SRL: variants seen among roughly 807,000 people sequenced by gnomAD.
The protein encoded by SRL is sarcalumenin.
SRL carries 23 observed loss-of-function variants against 39.5 expected under a neutral mutation model. That is an observed-to-expected ratio of 0.58 (90% confidence interval 0.42 to 0.82). The LOEUF (loss-of-function observed/expected upper bound fraction) is 0.82. Among genes scored for constraint, SRL ranks in the 40% least tolerant of loss-of-function variants. The pLI, the probability that SRL is intolerant of heterozygous loss-of-function variation, is 0.00. For missense variants in SRL, 592 were observed against 607.8 expected, an observed-to-expected ratio of 0.97 and a Z score of 0.27; for synonymous variants, 272 against 237.4, an observed-to-expected ratio of 1.15 and a Z score of -1.34.
chr16:4,221,933 T>C (rs993799409), intron 1 of SRL, among the ~76,000 whole-genome samples: 5 of 152,200 alleles, frequency 3.3e-5, no homozygotes, highest in African/African-American at 9.7e-5. Context: ...TAAGGACACC[T>C]TCATATTGGA....
At chr16:4,207,323 C>G in intron 1 of SRL, 1 of 456,828 alleles carries the variant, frequency 2.2e-6, no homozygotes, top group South Asian at 1.5e-5. Flanking sequence ...TTTGGGCGCC[C>G]CCAGGCTCTG....
At chr16:4,198,808 A>G (rs1334028915) in intron 3 of SRL, among the ~76,000 whole-genome samples, 2 of 152,202 alleles carry the variant, frequency 1.3e-5, no homozygotes, top group African/African-American at 2.4e-5. Flanking sequence ...CCAGTGCCCA[A>G]AACCAAACAA....
chr16:4,192,171 A>AT lies in SRL; in HGVS notation c.1403dup (p.Asn468LysfsTer24). On this transcript the variant is annotated frameshift_variant, in exon 6 of 6. Coordinates refer to ENST00000399609, the MANE Select transcript of SRL (RefSeq NM_001098814.2). LOFTEE classifies it high-confidence loss of function. The surrounding 1 kb of genome is among the most constrained non-coding windows in gnomAD (Gnocchi z 4.0). Reference sequence around the variant, plus strand: ...CCACCACCTAGTGCTTCCTGTAGCGATTTTTTGGTGTTTCGCTACACCCTG... The same window carrying AT: ...CCACCACCTAGTGCTTCCTGTAGCGATTTTTTTGGTGTTTCGCTACACCCTG... 1 of 1,554,094 alleles carries AT rather than the reference A, an allele frequency of 6.4e-7. No individual in the cohort carries two copies. Among genetic ancestry groups the AT allele is most frequent in the Non-Finnish European group, 8.7e-7 (1 of 1,153,904 alleles).
In SRL at chr16:4,192,423, G is replaced by T; in HGVS notation, c.1152C>A (p.Ile384=). The T allele has an allele frequency of 6.2e-7, 1 of 1,614,230 alleles. No homozygotes were observed. Among genetic ancestry groups the T allele is most frequent in the Non-Finnish European group, 8.5e-7 (1 of 1,180,046 alleles). The part of the protein sequence containing the change: ...DPDKFYIFKT[I]LAKTNVSKFD... ...ATTTGCTGACATTGGTCTTTGCCAG[G>T]ATGGTCTTGAAGATGTAGAATTTAT... Residue 384 remains isoleucine, a synonymous_variant, in exon 6 of 6, where the codon ATC becomes ATA. Transcript: ENST00000399609. The surrounding 1 kb of genome is among the most constrained non-coding windows in gnomAD (Gnocchi z 4.0).
chr16:4,216,035 C>CA (rs555368988), intron 1 of SRL, among the ~76,000 whole-genome samples: 6,618 of 141,846 alleles, frequency 0.047, 188 homozygotes, highest in Middle Eastern at 0.076. Context: ...GACCCTGTCT[C>CA]AAAAAAAAAA....
At chr16:4,203,094 G>T in intron 3 of SRL, 72 bp downstream of exon 3, 1 of 1,346,324 alleles carries the variant, frequency 7.4e-7, no homozygotes, top group Non-Finnish European at 1.1e-6. Context: ...AGGCCGGTCA[G>T]CAGTGTGGCC....
Position 4,191,587 on chromosome 16 carries a change from G to A in SRL, c.*566C>T, listed in dbSNP as rs111592698. 0.043 allele frequency: 6,603 copies of A among 153,048 alleles called. 209 individuals carry two copies. Among genetic ancestry groups the A allele is most frequent in the Non-Finnish European group, 0.06 (4,125 of 68,616 alleles). 9.5% of individuals were successfully genotyped at this position (153,048 alleles called of 1,614,324 possible). ...GATTGCACCACTGCACTCCAACCTG[G>A]CCGACAGAGCGAGACTCCGTCTCAA... On this transcript the variant is annotated 3_prime_UTR_variant, in exon 6 of 6. Transcript: ENST00000399609.
At position 4,192,121 on chromosome 16, in the gene SRL, C is replaced by G. The variant is rs773969685; in HGVS notation, c.*32G>C. 6.6e-7 allele frequency: 1 copy of G among 1,525,326 alleles called. No homozygotes were observed. Among genetic ancestry groups the G allele is most frequent in the Non-Finnish European group, 8.8e-7 (1 of 1,139,890 alleles). 94.5% of individuals were successfully genotyped at this position (1,525,326 alleles called of 1,614,324 possible). On this transcript the variant is annotated 3_prime_UTR_variant, in exon 6 of 6. Coordinates refer to ENST00000399609, the MANE Select transcript of SRL (RefSeq NM_001098814.2). The surrounding 1 kb of genome is among the most constrained non-coding windows in gnomAD (Gnocchi z 4.0). ...CAGACAGTTAGGACACAAGCTGATT[C>G]ACCAACAGGAACCCAAGGACCGCTC...
intron 1 of SRL, among the ~76,000 whole-genome samples, chr16:4,215,187 G>C (rs754267058): frequency 1.3e-5 from 2 of 152,198 alleles, no homozygotes; most frequent in Non-Finnish European, 2.9e-5. Flanking sequence ...GGACCCCTGA[G>C]GTCCTCTTCT....
At chr16:4,237,694 G>A (rs1400913340) in intron 1 of SRL, among the ~76,000 whole-genome samples, 1 of 151,944 alleles carries the variant, frequency 6.6e-6, no homozygotes, top group African/African-American at 2.4e-5. Flanking sequence ...CCCTTCCCTG[G>A]GTCTCACCAG....
Position 4,236,498 on chromosome 16 carries a change from CCT to C in SRL, c.61+5507_61+5508del, listed in dbSNP as rs1178075881. Among the ~76,000 whole-genome samples, 8 of 152,256 alleles carry C rather than the reference CCT, an allele frequency of 5.3e-5. No homozygotes were observed. In the South Asian group the frequency reaches 1.7e-3, roughly 32 times the overall value. ...CTCCCTGGTACAGCTCCATGGGTGA[CCT>C]CAGAGCCTCCCTCTCATCTTTACGT... is the stretch of plus-strand genomic sequence containing the variant. On this transcript the variant is annotated intron_variant, in intron 1 of 5. Transcript: ENST00000399609.
intron 1 of SRL, among the ~76,000 whole-genome samples, chr16:4,226,054 C>T (rs969897109): frequency 2.0e-5 from 3 of 152,106 alleles, no homozygotes; most frequent in Admixed American, 6.6e-5. Context: ...CTGTCTGACT[C>T]ACTCCTTCCT....
At chr16:4,241,017 G>A (rs774466490) in intron 1 of SRL, among the ~76,000 whole-genome samples, 3 of 152,154 alleles carry the variant, frequency 2.0e-5, no homozygotes, top group Non-Finnish European at 2.9e-5. Flanking sequence ...TCCCTGCAGG[G>A]ACTGTGCCCC....
intron 1 of SRL, chr16:4,207,173 G>A (rs747595503): frequency 4.1e-4 from 187 of 456,746 alleles, no homozygotes; most frequent in Non-Finnish European, 6.3e-4. Flanking sequence ...TGTCCTCTTC[G>A]GACTCCTCTT....
At chr16:4,235,302 C>T (rs1271065672) in intron 1 of SRL, among the ~76,000 whole-genome samples, 1 of 152,182 alleles carries the variant, frequency 6.6e-6, no homozygotes, top group Non-Finnish European at 1.5e-5. Context: ...AAAGTGAGTC[C>T]CACCAATGGG....
chr16:4,228,734 C>A lies in SRL; in HGVS notation c.61+13273G>T, dbSNP rs563621603. Among the ~76,000 whole-genome samples, 1,184 of 136,126 alleles carry A rather than the reference C, an allele frequency of 8.7e-3. 12 individuals are homozygous for A. Among genetic ancestry groups the A allele is most frequent in the African/African-American group, 0.03 (1,112 of 36,950 alleles). The allele number at this position is 136,126 out of a possible 152,430, so 89.3% of individuals were successfully genotyped here. ...TGGGTGACAGAGCAAGACTCCGTCTCAAAAAAAAAAGAAAAAAAGAAAGAA... is the reference window on the plus strand; with the variant it reads ...TGGGTGACAGAGCAAGACTCCGTCTAAAAAAAAAAAGAAAAAAAGAAAGAA... On this transcript the variant is annotated intron_variant, in intron 1 of 5. Transcript: ENST00000399609.
At chr16:4,237,707 C>T (rs1020977917) in intron 1 of SRL, among the ~76,000 whole-genome samples, 1 of 152,180 alleles carries the variant, frequency 6.6e-6, no homozygotes, top group African/African-American at 2.4e-5. Flanking sequence ...CTCACCAGAG[C>T]CCCGTTGCTC....
intron 1 of SRL, among the ~76,000 whole-genome samples, chr16:4,241,084 TC>T (rs1187397519): frequency 6.6e-6 from 1 of 151,908 alleles, no homozygotes; most frequent in East Asian, 1.9e-4. Context: ...GCCTCTCCAG[TC>T]CCAGGTACGG....
chr16:4,219,858 A>G (rs778930815), intron 1 of SRL, among the ~76,000 whole-genome samples: 6 of 152,032 alleles, frequency 3.9e-5, no homozygotes, highest in Non-Finnish European at 5.9e-5. Context: ...GCATGCAGGA[A>G]TGGTTGTCAT....
Sources: allele counts gnomAD v4.1 joint callset (sites outside exome capture counted in the v4.1 genomes callset), GRCh38; gene constraint gnomAD v4.1.1; non-coding constraint Gnocchi (gnomAD v3.1); transcripts MANE v1.5; gene names NCBI Gene and HGNC (gene_info 2026-07-23, HGNC 2026-07-21).